Variants in GNG2 observed in about 807,000 individuals in gnomAD.
The protein encoded by GNG2 is guanine nucleotide-binding protein G(I)/G(S)/G(O) subunit gamma-2.
A neutral mutation model predicts 5.5 loss-of-function variants in GNG2; 5 were observed. The observed-to-expected ratio is 0.91, with a 90% CI of 0.48 to 1.92. GNG2 has a LOEUF of 1.92. Ranked by LOEUF, GNG2 falls within the 30% of genes most tolerant of loss-of-function variation. The probability of loss-of-function intolerance (pLI) is 0.01; values close to 1 mark genes in which losing one functional copy is unlikely to be tolerated. For missense variants in GNG2, 55 were observed against 88.4 expected (o/e 0.62, Z 1.52); for synonymous variants, 28 against 32.0 (o/e 0.88, Z 0.42).
chr14:51,832,931 A>T (rs1474862026), intron 2 of GNG2, among the ~76,000 whole-genome samples: 1 of 152,172 alleles, frequency 6.6e-6, no homozygotes, highest in Non-Finnish European at 1.5e-5. Flanking sequence ...AATTTTACAC[A>T]CTTCTGAATT....
intron 2 of GNG2, among the ~76,000 whole-genome samples, chr14:51,843,119 G>T (rs1265578974): frequency 6.6e-6 from 1 of 152,180 alleles, no homozygotes; most frequent in Non-Finnish European, 1.5e-5. Flanking sequence ...ACTATTTCAG[G>T]TGTTTTTAAT....
intron 2 of GNG2, among the ~76,000 whole-genome samples, chr14:51,893,791 A>G (rs755464604): frequency 5.3e-5 from 8 of 152,116 alleles, no homozygotes; most frequent in South Asian, 2.1e-4. Context: ...AGCTATAAAT[A>G]TGTTCCTCCA....
chr14:51,903,528 G>A (rs2140184808), intron 2 of GNG2, among the ~76,000 whole-genome samples: 1 of 152,264 alleles, frequency 6.6e-6, no homozygotes. Context: ...AAAATCTTGG[G>A]CAAGGCAGAA....
chr14:51,929,068 A>G (rs2140240765), intron 2 of GNG2, among the ~76,000 whole-genome samples: 1 of 152,370 alleles, frequency 6.6e-6, no homozygotes, highest in Non-Finnish European at 1.5e-5. Flanking sequence ...TTCCCAAGCA[A>G]CCGAGGTTAC....
intron 2 of GNG2, among the ~76,000 whole-genome samples, chr14:51,851,491 T>C (rs1251137719): frequency 1.3e-5 from 2 of 152,246 alleles, no homozygotes; most frequent in Non-Finnish European, 2.9e-5. Context: ...TGGAGTTCAT[T>C]TACTCATTTG....
At chr14:51,851,969 A>G (rs1172378086) in intron 2 of GNG2, among the ~76,000 whole-genome samples, 2 of 152,226 alleles carry the variant, frequency 1.3e-5, no homozygotes, top group African/African-American at 4.8e-5. Flanking sequence ...GGCAGGATTT[A>G]CTGAAGTCAT....
intron 2 of GNG2, among the ~76,000 whole-genome samples, chr14:51,883,109 A>G (rs1884212456): frequency 6.6e-6 from 1 of 152,168 alleles, no homozygotes; most frequent in South Asian, 2.1e-4. Context: ...ATATATAAAT[A>G]CTTTTTATTA....
At chr14:51,873,011 C>T (rs1484022432) in intron 1 of GNG2, among the ~76,000 whole-genome samples, 1 of 152,094 alleles carries the variant, frequency 6.6e-6, no homozygotes, top group Non-Finnish European at 1.5e-5. Flanking sequence ...TATGAAATAC[C>T]TTAATTATTT....
intron 1 of GNG2, among the ~76,000 whole-genome samples, chr14:51,876,030 T>C (rs1260165755): frequency 6.6e-6 from 1 of 150,410 alleles, no homozygotes; most frequent in Non-Finnish European, 1.5e-5. Flanking sequence ...CTCACTCTCC[T>C]GGGCTCAAGC....
chr14:51,954,629 A>G (rs910395891), intron 3 of GNG2, among the ~76,000 whole-genome samples: 1 of 152,322 alleles, frequency 6.6e-6, no homozygotes, highest in Non-Finnish European at 1.5e-5. Context: ...GTGGCTAGAT[A>G]GGCAGTGGAA....
At chr14:51,862,206 A>C (rs1316490151) in intron 1 of GNG2, among the ~76,000 whole-genome samples, 4 of 152,200 alleles carry the variant, frequency 2.6e-5, no homozygotes, top group Non-Finnish European at 5.9e-5. Context: ...AAGAAAAAAA[A>C]AGTCTATTTC....
chr14:51,874,936 A>T (rs1210259410), intron 1 of GNG2, among the ~76,000 whole-genome samples: 1 of 152,212 alleles, frequency 6.6e-6, no homozygotes, highest in Non-Finnish European at 1.5e-5. Context: ...TTAGTAAACA[A>T]AACTTAACTT....
chr14:51,839,160 C>T (rs1881416272), intron 2 of GNG2, among the ~76,000 whole-genome samples: 1 of 152,136 alleles, frequency 6.6e-6, no homozygotes. Context: ...GTGACACAGC[C>T]TGAGAAGGCC....
intron 2 of GNG2, among the ~76,000 whole-genome samples, chr14:51,884,075 C>T (rs1278589234): frequency 1.3e-5 from 2 of 152,066 alleles, no homozygotes; most frequent in Non-Finnish European, 2.9e-5. Flanking sequence ...GTGTCTCTTC[C>T]AGAGATTTTT....
At chr14:51,966,209 CAAAAAAAAAAA>C (rs34653524) in intron 3 of GNG2, among the ~76,000 whole-genome samples, 495 of 28,134 alleles carry the variant, frequency 0.018, 10 homozygotes, top group Middle Eastern at 0.1. Context: ...GACTGCATCT[CAAAAAAAAAAA>C]AAAAAAAAAA....
chr14:51,911,413 G>C lies in GNG2; in HGVS notation c.-30+33756G>C, dbSNP rs187017845. On this transcript the variant is annotated intron_variant, in intron 2 of 3. Transcript: ENST00000556766. The stretch of plus-strand genomic sequence containing the variant: ...GAAGCCACAGAGCTGAATGGCCAAA[G>C]ATGTGACCTTGGAGACCCATTGCCT... Among the ~76,000 whole-genome samples, 30 of 152,292 alleles carry C rather than the reference G, an allele frequency of 2.0e-4. No homozygotes were observed. The East Asian group carries it at 3.5e-3, about 18-fold the overall frequency.
rs138691178 is a variant in GNG2 at position 51,841,791 on chromosome 14, A to G, written c.64+13984A>G. On this transcript the variant is annotated intron_variant, in intron 2 of 3. Coordinates refer to the GNG2 transcript ENST00000553432. ...CAAGGAAATGCTTTTCTTTGGGGCC[A>G]TACGATGACAACTGTGATCTTAATG... 8.8e-3 allele frequency among the ~76,000 whole-genome samples: 1,342 copies of G among 152,366 alleles called. 62 individuals carry two copies. The highest frequency in any genetic ancestry group is 0.077 in the Admixed American group (1,173 of 15,300).
At chr14:51,900,496 A>T (rs962504359) in intron 2 of GNG2, among the ~76,000 whole-genome samples, 11 of 151,146 alleles carry the variant, frequency 7.3e-5, no homozygotes, top group African/African-American at 2.7e-4. Flanking sequence ...GGGCAATAAA[A>T]CCATAAGCTT....
In GNG2 at chr14:51,969,072, C is replaced by T. The variant is rs1181179682; in HGVS notation, c.*2385C>T. On this transcript the variant is annotated 3_prime_UTR_variant, in exon 4 of 4. Transcript: ENST00000556766. The stretch of plus-strand genomic sequence containing the variant: ...TTCAGGGGAAAAAGTCTTTCGATTA[C>T]TTATGCCTCTATAGAGCTTAATTTC... 1 of 152,134 alleles carries T rather than the reference C, an allele frequency of 6.6e-6. No homozygotes were observed. Among genetic ancestry groups the T allele is most frequent in the African/African-American group, 2.4e-5 (1 of 41,420 alleles). 9.4% of individuals were successfully genotyped at this position (152,134 alleles called of 1,614,324 possible). A position where few individuals can be genotyped will look rare whatever the true frequency, so the allele number is the denominator to read the frequency against.
Sources: allele counts gnomAD v4.1 joint callset (sites outside exome capture counted in the v4.1 genomes callset), GRCh38; gene constraint gnomAD v4.1.1; transcripts MANE v1.5; gene names NCBI Gene and HGNC (gene_info 2026-07-23, HGNC 2026-07-21).